Variants in NOL6 observed in about 807,000 individuals in gnomAD.
The protein encoded by NOL6 is nucleolar protein 6, also known as nucleolar RNA-associated protein.
A neutral mutation model predicts 131.7 loss-of-function variants in NOL6; 33 were observed. The observed-to-expected ratio is 0.25, with a 90% CI of 0.19 to 0.33. The LOEUF (loss-of-function observed/expected upper bound fraction) is 0.33, where lower values mean the gene tolerates loss of function less well. Among genes scored for constraint, NOL6 ranks in the 10% least tolerant of loss-of-function variants. The pLI, the probability that NOL6 is intolerant of heterozygous loss-of-function variation, is 1.00. For missense variants in NOL6, 1,297 were observed against 1,494.5 expected (o/e 0.87, Z 2.18); for synonymous variants, 580 against 605.7 (o/e 0.96, Z 0.62).
At position 33,466,099 on chromosome 9, in the gene NOL6, G is replaced by A; in HGVS notation, c.2336C>T (p.Ala779Val). The A allele has an allele frequency of 6.2e-7, 1 of 1,602,734 alleles. No individual in the cohort carries two copies. Among genetic ancestry groups the A allele is most frequent in the Non-Finnish European group, 8.5e-7 (1 of 1,172,548 alleles). The change falls in exon 18 of 26, where the codon GCC becomes GTC. Residue 779 changes from alanine to valine, a missense_variant. Physicochemically the swap from Ala to Val is moderately conservative, Grantham distance 64. Coordinates refer to ENST00000297990, the MANE Select transcript of NOL6 (RefSeq NM_022917.5). ...AAGGACATCCGTGTGCGTGGCAGTGGCACGGCACTGCAGACCATGCTGTTG... is the reference window on the plus strand; with the variant it reads ...AAGGACATCCGTGTGCGTGGCAGTGACACGGCACTGCAGACCATGCTGTTG... ...LTQQHGLQCRATATHTDVLKD... is the reference protein window; with the variant it reads ...LTQQHGLQCRVTATHTDVLKD...
intron 10 of NOL6, 39 bp from the exon 11 acceptor site, chr9:33,468,184 G>C (rs749719339): frequency 1.2e-6 from 2 of 1,613,984 alleles, no homozygotes; most frequent in Non-Finnish European, 8.5e-7. Context: ...GCCCTTCATT[G>C]ATCCAAGGGC....
Position 33,467,894 on chromosome 9 carries a change from G to A in NOL6, c.1425-26C>T, listed in dbSNP as rs1827293049. 6.3e-7 allele frequency: 1 copy of A among 1,583,082 alleles called. No homozygotes were observed. Among genetic ancestry groups the A allele is most frequent in the African/African-American group, 1.3e-5 (1 of 74,452 alleles). The stretch of plus-strand genomic sequence containing the variant: ...CTGGAGGGGTACAAAGGGCCAAAGA[G>A]GGGTAATCAGGTTGCTGGCCCCTAG... On this transcript the variant is annotated intron_variant, in intron 11 of 25. Transcript: ENST00000297990. The surrounding 1 kb of genome is among the most constrained non-coding windows in gnomAD (Gnocchi z 4.4).
rs1402897229 is a variant in NOL6 at position 33,462,193 on chromosome 9, A to G, written c.*471T>C. 1.4e-6 allele frequency: 1 copy of G among 717,502 alleles called. No homozygotes were observed. 44.4% of individuals were successfully genotyped at this position (717,502 alleles called of 1,614,324 possible). A position where few individuals can be genotyped will look rare whatever the true frequency, so the allele number is the denominator to read the frequency against. On this transcript the variant is annotated 3_prime_UTR_variant, in exon 26 of 26. Coordinates refer to ENST00000297990, the MANE Select transcript of NOL6 (RefSeq NM_022917.5). ...GTCGGTGATGTGACTCAGAAGGGCC[A>G]CATTTTCGCTGGGTCCCATCTAAAG... is the stretch of plus-strand genomic sequence containing the variant.
chr9:33,466,477 C>T (rs1288877924), intron 16 of NOL6, 52 bp from the exon 17 acceptor site: 3 of 1,612,174 alleles, frequency 1.9e-6, no homozygotes, highest in Non-Finnish European at 2.5e-6. Context: ...AGGGAGTGCC[C>T]AGAGTCAGGA....
rs73489459 is a variant in NOL6, at chr9:33,461,921, G to A, written c.*743C>T. On this transcript the variant is annotated 3_prime_UTR_variant, in exon 26 of 26. Coordinates refer to ENST00000297990, the MANE Select transcript of NOL6 (RefSeq NM_022917.5). ...ACCCCACTGCAGGTACATAGTAGTGGCAGTTTGTGACATGAACGGGCAAAC... is the reference window on the plus strand; with the variant it reads ...ACCCCACTGCAGGTACATAGTAGTGACAGTTTGTGACATGAACGGGCAAAC... 3,745 of 522,286 alleles carry A rather than the reference G, an allele frequency of 7.2e-3. 108 individuals are homozygous for A. Among genetic ancestry groups the A allele is most frequent in the African/African-American group, 0.063 (3,303 of 52,824 alleles). The allele number at this position is 522,286 out of a possible 1,614,324, so 32.4% of individuals were successfully genotyped here. A position where few individuals can be genotyped will look rare whatever the true frequency, so the allele number is the denominator to read the frequency against.
At chr9:33,468,450 A>G in intron 9 of NOL6, 28 bp from the exon 10 acceptor site, 1 of 1,613,982 alleles carries the variant, frequency 6.2e-7, no homozygotes, top group Non-Finnish European at 8.5e-7. Flanking sequence ...GAAGCAGGTC[A>G]GGATTGGCAC....
chr9:33,469,349 A>G lies in NOL6; in HGVS notation c.728-8T>C, dbSNP rs763628432. The G allele has an allele frequency of 6.2e-6, 10 of 1,614,028 alleles. No homozygotes were observed. The highest frequency in any genetic ancestry group is 8.5e-6 in the Non-Finnish European group (10 of 1,179,998). On this transcript the variant is annotated splice_polypyrimidine_tract_variant and splice_region_variant and intron_variant, in intron 5 of 25. Transcript: ENST00000297990. ...CCAGGCGCTCATCCTTTCCTGCCAGAGACAGTGAGTGCTGAGACTCTGCAG... is the reference window on the plus strand; with the variant it reads ...CCAGGCGCTCATCCTTTCCTGCCAGGGACAGTGAGTGCTGAGACTCTGCAG...
Position 33,464,175 on chromosome 9 carries a change from T to A in NOL6, c.2780-14A>T. The A allele has an allele frequency of 6.3e-7, 1 of 1,592,582 alleles. No homozygotes were observed. Among genetic ancestry groups the A allele is most frequent in the Non-Finnish European group, 8.6e-7 (1 of 1,169,092 alleles). ...CCTGCTCCTCCACTAGAGACAAGAA[T>A]GGGTCCTGGGTCAGCCTGCTCCTCC... On this transcript the variant is annotated splice_polypyrimidine_tract_variant and intron_variant, in intron 21 of 25. Transcript: ENST00000297990.
chr9:33,466,334 C>T lies in NOL6; in HGVS notation c.2183G>A (p.Cys728Tyr). The stretch of plus-strand genomic sequence containing the variant: ...GGTCATGGGCTCCACGTAGGCCGGA[C>T]AGGGCTTATCGAGCCGGGGCAGCAG... ...SSLLPRLDKP[C>Y]PAYVEPMTVV... The change falls in exon 17 of 26, where the codon TGT (cysteine) becomes TAT (tyrosine). Residue 728 changes from cysteine to tyrosine, a missense_variant. Transcript: ENST00000297990. 1 of 1,614,208 alleles carries T rather than the reference C, an allele frequency of 6.2e-7. No individual in the cohort carries two copies. The highest frequency in any genetic ancestry group is 8.5e-7 in the Non-Finnish European group (1 of 1,180,044).
Position 33,468,976 on chromosome 9 carries a change from C to G in NOL6, c.1008G>C (p.Arg336=). 1 of 1,614,150 alleles carries G rather than the reference C, an allele frequency of 6.2e-7. No homozygotes were observed. Among genetic ancestry groups the G allele is most frequent in the South Asian group, 1.1e-5 (1 of 91,086 alleles). ...DGVALLKVWL[R]QRELDKGQGG... ...AACTCACCTTGTCCAGCTCCCGCTG[C>G]CGCAGCCAGACCTTCAGAAGTGCCA... The change falls in exon 7 of 26, where the codon CGG becomes CGC. Residue 336 remains arginine, a synonymous_variant. Transcript: ENST00000297990.
Position 33,470,044 on chromosome 9 carries a change from T to C in NOL6, c.526A>G (p.Ile176Val). Residue 176 changes from isoleucine to valine, a missense_variant, in exon 4 of 26, where the codon ATC becomes GTC. Coordinates refer to ENST00000297990, the MANE Select transcript of NOL6 (RefSeq NM_022917.5). ...YLLGTCIRPD[I>V]NVDVALTMPR... ...ATGGTCAGTGCCACATCCACATTGA[T>C]GTCTGGTCGGATGCAGGTGCCCAGA... 6.2e-7 allele frequency: 1 copy of C among 1,610,226 alleles called. No individual in the cohort carries two copies. Among genetic ancestry groups the C allele is most frequent in the Non-Finnish European group, 8.5e-7 (1 of 1,177,632 alleles).
chr9:33,472,425 A>C lies in NOL6; in HGVS notation c.55-13T>G. Reference sequence around the variant, plus strand: ...CTGGTTCCATCACCTGTGGCCAGTGAGGGAGAAGCCATTTTGAGGTAATAG... The same window carrying C: ...CTGGTTCCATCACCTGTGGCCAGTGCGGGAGAAGCCATTTTGAGGTAATAG... On this transcript the variant is annotated splice_polypyrimidine_tract_variant and intron_variant, in intron 1 of 25. Coordinates refer to ENST00000297990, the MANE Select transcript of NOL6 (RefSeq NM_022917.5). 6.2e-7 allele frequency: 1 copy of C among 1,609,536 alleles called. No homozygotes were observed. Among genetic ancestry groups the C allele is most frequent in the African/African-American group, 1.3e-5 (1 of 74,972 alleles).
rs1827244786 is a variant in NOL6, at chr9:33,466,418, G to A, written c.2099C>T (p.Pro700Leu). Residue 700 changes from proline to leucine, a missense_variant, in exon 17 of 26, where the codon CCA (proline) becomes CTA (leucine). Physicochemically the swap from Pro to Leu is moderately conservative, Grantham distance 98. Coordinates refer to ENST00000297990, the MANE Select transcript of NOL6 (RefSeq NM_022917.5). ...GAAGGCTGGACGGACTGGAGTTGGT[G>A]GGAACACCTGTGGAAGAAGAGGGGC... ...HPVLRYTEVF[P>L]PTPVRPAFSF... 3 of 1,614,056 alleles carry A rather than the reference G, an allele frequency of 1.9e-6. No homozygotes were observed. The highest frequency in any genetic ancestry group is 1.7e-5 in the Admixed American group (1 of 60,002).
At position 33,470,196 on chromosome 9, in the gene NOL6, G is replaced by C. The variant is rs1363331658; in HGVS notation, c.379-5C>G. 3 of 1,566,218 alleles carry C rather than the reference G, an allele frequency of 1.9e-6. No individual in the cohort carries two copies. The highest frequency in any genetic ancestry group is 2.7e-5 in the African/African-American group (2 of 74,104). On this transcript the variant is annotated splice_polypyrimidine_tract_variant and splice_region_variant and intron_variant, in intron 3 of 25. Coordinates refer to ENST00000297990, the MANE Select transcript of NOL6 (RefSeq NM_022917.5). ...GAGCCATGCCTGGTCAGTGAGCTGT[G>C]GGGGCAGAGACAGGGACACATACTG...
At position 33,464,886 on chromosome 9, in the gene NOL6, C is replaced by A; in HGVS notation, c.2772G>T (p.Glu924Asp). The A allele has an allele frequency of 6.2e-7, 1 of 1,611,068 alleles. No individual in the cohort carries two copies. Among genetic ancestry groups the A allele is most frequent in the Admixed American group, 1.7e-5 (1 of 59,984 alleles). The change falls in exon 21 of 26, where the codon GAG (glutamate) becomes GAT (aspartate). Residue 924 changes from glutamate to aspartate, a missense_variant. Glu to Asp is a conservative substitution (Grantham distance 45). Transcript: ENST00000297990. ...NNPLFVNLNN[E>D]LTVEEQVEIR... is the part of the protein sequence containing the mutation. ...CCCTGTTCTACCACTTACCAGTGAGCTCATTATTGAGGTTGACAAAGAGGG... is the reference window on the plus strand; with the variant it reads ...CCCTGTTCTACCACTTACCAGTGAGATCATTATTGAGGTTGACAAAGAGGG...
rs1827290398 is a variant in NOL6 at position 33,467,836 on chromosome 9, C to T, written c.1457G>A (p.Cys486Tyr). Reference sequence around the variant, plus strand: ...CTCTGGCCAGAGCTTCAGCCGGTGGCACGCTGCCTGCAGGCGACTCAGTGG... The same window carrying T: ...CTCTGGCCAGAGCTTCAGCCGGTGGTACGCTGCCTGCAGGCGACTCAGTGG... ...LRPLSRLQAACHRLKLWPELQ... is the reference protein window; with the variant it reads ...LRPLSRLQAAYHRLKLWPELQ... The change falls in exon 12 of 26, where the codon TGC becomes TAC. Residue 486 changes from cysteine (C) to tyrosine (Y), a missense_variant. Transcript: ENST00000297990. This position sits in a 1 kb window ranked among gnomAD's most constrained non-coding sequence, Gnocchi z 4.4. The T allele has an allele frequency of 6.3e-7, 1 of 1,598,518 alleles. No individual in the cohort carries two copies. Among genetic ancestry groups the T allele is most frequent in the Non-Finnish European group, 8.5e-7 (1 of 1,172,324 alleles).
Position 33,466,042 on chromosome 9 carries a change from G to A in NOL6, c.2364+29C>T, listed in dbSNP as rs772565631. The stretch of plus-strand genomic sequence containing the variant: ...GACATCCCTGGTGCCCCCCTTCCCT[G>A]GGGACATATCTGCCTGCACCAGCCT... On this transcript the variant is annotated intron_variant, in intron 18 of 25. Coordinates refer to ENST00000297990, the MANE Select transcript of NOL6 (RefSeq NM_022917.5). 36 of 1,564,916 alleles carry A rather than the reference G, an allele frequency of 2.3e-5. No homozygotes were observed. The East Asian group carries it at 5.9e-4, about 26-fold the overall frequency.
At chr9:33,472,690 A>G in intron 1 of NOL6, 1 of 493,618 alleles carries the variant, frequency 2.0e-6, no homozygotes, top group Non-Finnish European at 3.7e-6. Flanking sequence ...GACTGGGCCC[A>G]GGCTGGACAC....
rs745641108 is a variant in NOL6, at chr9:33,467,768, G to T, written c.1525C>A (p.Pro509Thr). 1 of 1,611,132 alleles carries T rather than the reference G, an allele frequency of 6.2e-7. No homozygotes were observed. Among genetic ancestry groups the T allele is most frequent in the East Asian group, 2.2e-5 (1 of 44,856 alleles). ...CCCTGCTCCAGGAGGGTGGTCAGGG[G>T]GCCCAAAGCAGCTGAGACATAGTCC... is the stretch of plus-strand genomic sequence containing the variant. Reference protein sequence around the residue: ...GGDYVSAALGPLTTLLEQGLG... With the variant: ...GGDYVSAALGTLTTLLEQGLG... Residue 509 changes from proline (P) to threonine (T), a missense_variant, in exon 12 of 26, where the codon CCC (proline) becomes ACC (threonine). Transcript: ENST00000297990. The surrounding 1 kb of genome is among the most constrained non-coding windows in gnomAD (Gnocchi z 4.4).
Sources: allele counts gnomAD v4.1 joint callset, GRCh38; gene constraint gnomAD v4.1.1; non-coding constraint Gnocchi (gnomAD v3.1); transcripts MANE v1.5; gene names NCBI Gene and HGNC (gene_info 2026-07-23, HGNC 2026-07-21).